EHMT1: variants seen among roughly 807,000 people sequenced by gnomAD.
EHMT1 encodes histone-lysine N-methyltransferase EHMT1.
A neutral mutation model predicts 147.2 loss-of-function variants in EHMT1; 15 were observed. That is an observed-to-expected ratio of 0.10 (90% confidence interval 0.07 to 0.16). EHMT1 has a LOEUF of 0.16. Ranked by LOEUF, EHMT1 falls within the 10% of genes least tolerant of loss-of-function variation. The pLI, the probability that EHMT1 is intolerant of heterozygous loss-of-function variation, is 1.00. For synonymous variants in EHMT1, 795 were observed against 709.6 expected, an observed-to-expected ratio of 1.12 and a Z score of -1.91; for missense variants, 1,587 against 1,772.4, an observed-to-expected ratio of 0.90 and a Z score of 1.88.
intron 2 of EHMT1, among the ~76,000 whole-genome samples, chr9:137,711,765 G>A (rs149321021): frequency 0.015 from 2,323 of 152,222 alleles, 24 homozygotes; most frequent in Non-Finnish European, 0.025. Context: ...GGCGCCAGAC[G>A]AGCTGTGCTG....
intron 1 of EHMT1, among the ~76,000 whole-genome samples, chr9:137,619,586 G>A (rs930742923): frequency 6.6e-6 from 1 of 152,264 alleles, no homozygotes; most frequent in East Asian, 1.9e-4. Flanking sequence ...CAGTCCCGGC[G>A]TGTTTCTCCC....
chr9:137,687,531 T>C (rs921096122), intron 1 of EHMT1, among the ~76,000 whole-genome samples: 3 of 152,148 alleles, frequency 2.0e-5, no homozygotes, highest in African/African-American at 7.2e-5. Flanking sequence ...TGCTGTTGCC[T>C]GAGTGTTTGT....
At chr9:137,830,653 G>T (rs1554905605) in intron 25 of EHMT1, among the ~76,000 whole-genome samples, 1 of 152,008 alleles carries the variant, frequency 6.6e-6, no homozygotes, top group Non-Finnish European at 1.5e-5. Flanking sequence ...TCACTCCTTA[G>T]AACATGTCCC....
chr9:137,814,669 C>T, intron 22 of EHMT1, 161 bp downstream of exon 22: 3 of 780,460 alleles, frequency 3.8e-6, no homozygotes, highest in Non-Finnish European at 6.5e-6. Flanking sequence ...CAGCGGGCAC[C>T]AGCACCCGAG....
chr9:137,792,943 C>CA (rs1238323520), intron 16 of EHMT1, among the ~76,000 whole-genome samples: 2 of 152,198 alleles, frequency 1.3e-5, no homozygotes, highest in Non-Finnish European at 2.9e-5. Context: ...GTCACGCACT[C>CA]ACGTTCGTAG....
At chr9:137,807,308 C>G (rs1005337006) in intron 18 of EHMT1, among the ~76,000 whole-genome samples, 1 of 152,064 alleles carries the variant, frequency 6.6e-6, no homozygotes, top group Non-Finnish European at 1.5e-5. Flanking sequence ...GTCCACTCAT[C>G]TTTTCTTCTG....
At chr9:137,768,934 G>T (rs1054759717) in intron 10 of EHMT1, among the ~76,000 whole-genome samples, 4 of 152,130 alleles carry the variant, frequency 2.6e-5, no homozygotes, top group Non-Finnish European at 5.9e-5. Flanking sequence ...TGATCTGCCC[G>T]CCTCAGCCTC....
intron 1 of EHMT1, among the ~76,000 whole-genome samples, chr9:137,710,445 C>T (rs2135377519): frequency 6.6e-6 from 1 of 152,300 alleles, no homozygotes; most frequent in African/African-American, 2.4e-5. Flanking sequence ...TGTACTCCAG[C>T]CTGGGCGAGA....
intron 1 of EHMT1, among the ~76,000 whole-genome samples, chr9:137,700,468 A>G (rs1943740893): frequency 6.6e-6 from 1 of 152,222 alleles, no homozygotes; most frequent in African/African-American, 2.4e-5. Context: ...ACAATATATT[A>G]AAGTGGGCAT....
chr9:137,655,244 T>C (rs1300406022), intron 1 of EHMT1, among the ~76,000 whole-genome samples: 1 of 152,154 alleles, frequency 6.6e-6, no homozygotes, highest in African/African-American at 2.4e-5. Context: ...CTCGAACTCC[T>C]GACCTCAGGT....
rs757476606 is a variant in EHMT1 at position 137,716,764 on chromosome 9, A to G, written c.224A>G (p.Asp75Gly). 3.6e-5 allele frequency: 58 copies of G among 1,613,040 alleles called. No homozygotes were observed. Among genetic ancestry groups the G allele is most frequent in the Non-Finnish European group, 4.8e-5 (57 of 1,179,762 alleles). Reference protein sequence around the residue: ...SHANAAKHTQDSARVNPQDGT... With the variant: ...SHANAAKHTQGSARVNPQDGT... ...GCAAATGCTGCAAAGCACACTCAGG[A>G]CAGCGCAAGGGTCAACCCCCAGGAT... The change falls in exon 3 of 27, where the codon GAC (aspartate) becomes GGC (glycine). Residue 75 changes from aspartate (D) to glycine (G), a missense_variant. By Grantham distance (94) the Asp-to-Gly change is moderately conservative (BLOSUM62 -1). This residue lies in a region of EHMT1 where 810 missense variants were observed against 673.0 expected (regional missense o/e 1.20). Coordinates refer to ENST00000460843, the MANE Select transcript of EHMT1 (RefSeq NM_024757.5).
chr9:137,721,297 A>C (rs866413034), intron 3 of EHMT1, among the ~76,000 whole-genome samples: 1 of 12,298 alleles, frequency 8.1e-5, no homozygotes. Flanking sequence ...TCTCACACTC[A>C]CCCCCTCCCA....
chr9:137,633,316 T>A (rs1843745727), intron 1 of EHMT1, among the ~76,000 whole-genome samples: 2 of 151,820 alleles, frequency 1.3e-5, no homozygotes, highest in African/African-American at 4.8e-5. Context: ...TATAATTGAC[T>A]ACTTTTTTTT....
intron 7 of EHMT1, among the ~76,000 whole-genome samples, chr9:137,753,745 C>G (rs1295755390): frequency 6.6e-6 from 1 of 152,190 alleles, no homozygotes; most frequent in East Asian, 1.9e-4. Context: ...TAATTACAGC[C>G]TCTGTCCTTG....
At chr9:137,663,828 A>T (rs1035770898) in intron 1 of EHMT1, among the ~76,000 whole-genome samples, 1 of 152,178 alleles carries the variant, frequency 6.6e-6, no homozygotes, top group Non-Finnish European at 1.5e-5. Flanking sequence ...CCTGGAGAGA[A>T]GGTGGAATGC....
intron 16 of EHMT1, among the ~76,000 whole-genome samples, chr9:137,796,475 C>T (rs1036737950): frequency 6.6e-6 from 1 of 151,902 alleles, no homozygotes; most frequent in African/African-American, 2.4e-5. Flanking sequence ...GAGGCTGAGG[C>T]GGGTGGATCA....
At chr9:137,694,999 C>A (rs2135006322) in intron 1 of EHMT1, among the ~76,000 whole-genome samples, 1 of 152,310 alleles carries the variant, frequency 6.6e-6, no homozygotes, top group African/African-American at 2.4e-5. Flanking sequence ...TCACACTCAC[C>A]AGTTATGTCA....
chr9:137,744,861 T>G lies in EHMT1; in HGVS notation c.1170+771T>G, dbSNP rs559095120. On this transcript the variant is annotated intron_variant, in intron 6 of 26. Transcript: ENST00000460843. The stretch of plus-strand genomic sequence containing the variant: ...CTTGTCACAGCGGTGCTGTTGCCCC[T>G]GGCCAGGTATGGGCACCTGGGCCAG... 7.3e-4 allele frequency among the ~76,000 whole-genome samples: 112 copies of G among 152,388 alleles called. 1 individual carries two copies. The Middle Eastern group carries it at 0.014, about 19-fold the overall frequency.
chr9:137,714,398 C>T (rs1009165719), intron 2 of EHMT1, among the ~76,000 whole-genome samples: 11 of 151,928 alleles, frequency 7.2e-5, no homozygotes, highest in African/African-American at 2.4e-4. Flanking sequence ...TGGTTTTGTC[C>T]TTTATTTTGT....
Sources: allele counts gnomAD v4.1 joint callset (sites outside exome capture counted in the v4.1 genomes callset), GRCh38; gene constraint gnomAD v4.1.1; regional missense constraint gnomAD v4.1.1; transcripts MANE v1.5; gene names NCBI Gene and HGNC (gene_info 2026-07-23, HGNC 2026-07-21).